The following DTNBP1 variants were observed in gnomAD, a reference collection of about 807,000 sequenced individuals.
The protein encoded by DTNBP1 is dystrobrevin binding protein 1.
In DTNBP1, 35 loss-of-function variants were observed where a neutral mutation model predicts 42.8. The ratio of observed to expected loss-of-function variants is 0.82; its 90% CI spans 0.63 to 1.09. DTNBP1 has a LOEUF of 1.09. Ranked by LOEUF, DTNBP1 falls within the 50% of genes least tolerant of loss-of-function variation. DTNBP1 has a pLI of 0.00. For missense variants in DTNBP1, 457 were observed against 424.2 expected, an observed-to-expected ratio of 1.08 and a Z score of -0.68; for synonymous variants, 171 against 162.2, an observed-to-expected ratio of 1.05 and a Z score of -0.41.
chr6:15,612,470 T>C (rs1279194711), intron 6 of DTNBP1, among the ~76,000 whole-genome samples: 2 of 152,224 alleles, frequency 1.3e-5, no homozygotes, highest in Non-Finnish European at 2.9e-5. Flanking sequence ...TTTCAACATA[T>C]CTTGATAGAA....
At chr6:15,625,234 T>C (rs891543703) in intron 5 of DTNBP1, among the ~76,000 whole-genome samples, 4 of 152,214 alleles carry the variant, frequency 2.6e-5, no homozygotes, top group Admixed American at 6.5e-5. Flanking sequence ...ATAATTCAGA[T>C]TGGCAATATA....
intron 8 of DTNBP1, among the ~76,000 whole-genome samples, chr6:15,530,713 G>A (rs1772761906): frequency 6.6e-6 from 1 of 152,096 alleles, no homozygotes; most frequent in African/African-American, 2.4e-5. Context: ...CTTCCTGAGA[G>A]GCACTTTCAT....
At chr6:15,524,376 G>A in intron 9 of DTNBP1, 150 bp downstream of exon 9, 1 of 1,613,930 alleles carries the variant, frequency 6.2e-7, no homozygotes, top group South Asian at 1.1e-5. Flanking sequence ...ACACAGCCGT[G>A]TGGAACCGTG....
At chr6:15,524,738 G>A in intron 8 of DTNBP1, 69 bp from the exon 9 acceptor site, 2 of 1,584,246 alleles carry the variant, frequency 1.3e-6, no homozygotes, top group South Asian at 1.1e-5. Context: ...AACTTCCATT[G>A]GCATTAGGCT....
chr6:15,663,025 C>T lies in DTNBP1; in HGVS notation c.-156G>A, dbSNP rs1761748572. ...TCTGGTCCTCGCCGCCGCGCCGCAA[C>T]CCCAGCCCCTTCCGCGTTCCCGCCC... On this transcript the variant is annotated 5_prime_UTR_variant, in exon 1 of 10. Transcript: ENST00000344537. 2.0e-6 allele frequency: 2 copies of T among 1,008,906 alleles called. No homozygotes were observed. The highest frequency in any genetic ancestry group is 3.4e-5 in the Admixed American group (1 of 29,356). The allele number at this position is 1,008,906 out of a possible 1,614,324, so 62.5% of individuals were successfully genotyped here.
intron 1 of DTNBP1, among the ~76,000 whole-genome samples, chr6:15,654,085 T>C (rs1761158637): frequency 6.6e-6 from 1 of 152,242 alleles, no homozygotes; most frequent in Non-Finnish European, 1.5e-5. Flanking sequence ...TATTACTCTA[T>C]GATCTTTTTC....
At chr6:15,531,886 C>A (rs1772855899) in intron 8 of DTNBP1, among the ~76,000 whole-genome samples, 1 of 152,256 alleles carries the variant, frequency 6.6e-6, no homozygotes, top group Non-Finnish European at 1.5e-5. Context: ...CCCACTTCGG[C>A]CTCCCAAAGT....
At chr6:15,641,658 G>A (rs6914558) in intron 3 of DTNBP1, among the ~76,000 whole-genome samples, 8,770 of 152,112 alleles carry the variant, frequency 0.058, 390 homozygotes, top group African/African-American at 0.12. Flanking sequence ...CATACTTGTC[G>A]TGCGCCAGCA....
At chr6:15,646,571 A>G (rs1760692036) in intron 3 of DTNBP1, among the ~76,000 whole-genome samples, 1 of 152,152 alleles carries the variant, frequency 6.6e-6, no homozygotes. Context: ...AGCAATCCAA[A>G]GCAAAAAGAA....
intron 1 of DTNBP1, among the ~76,000 whole-genome samples, chr6:15,653,947 T>C (rs1761150659): frequency 6.6e-6 from 1 of 152,262 alleles, no homozygotes; most frequent in Non-Finnish European, 1.5e-5. Flanking sequence ...CAACTATGCA[T>C]GCTGGTTCTG....
chr6:15,569,363 G>A (rs202023812), intron 7 of DTNBP1, among the ~76,000 whole-genome samples: 12 of 57,784 alleles, frequency 2.1e-4, no homozygotes, highest in South Asian at 5.1e-4. Context: ...ACCCCCCCCC[G>A]CCCGCCCCGA....
In DTNBP1 at chr6:15,523,101, GAT is replaced by G. The variant is rs780444803; in HGVS notation, c.928_929del (p.Ile310GlnfsTer2). ...STCTDSATRD[I>X]SEGGESPVVQ... ...CAACGGGGGACTCCCCACCCTCACT[GAT>G]GTCCCGGGTGGCCGAGTCGGTGCAG... is the stretch of plus-strand genomic sequence containing the variant. On this transcript the variant is annotated frameshift_variant, in exon 10 of 10. Transcript: ENST00000344537. LOFTEE classifies it low-confidence loss of function (END_TRUNC). 9 of 1,614,246 alleles carry G rather than the reference GAT, an allele frequency of 5.6e-6. No homozygotes were observed. The South Asian group carries it at 9.9e-5, about 18-fold the overall frequency.
At chr6:15,577,262 C>G (rs761173175) in intron 7 of DTNBP1, among the ~76,000 whole-genome samples, 6 of 152,202 alleles carry the variant, frequency 3.9e-5, no homozygotes, top group Non-Finnish European at 8.8e-5. Flanking sequence ...CAGGGCCTCG[C>G]AAGCCAGGAC....
chr6:15,655,605 AAAAACAAAGTAGCTAT>A (rs1394515342), intron 1 of DTNBP1, among the ~76,000 whole-genome samples: 3 of 151,548 alleles, frequency 2.0e-5, no homozygotes, highest in African/African-American at 7.3e-5. Flanking sequence ...AAACAAAGTA[AAAAACAAAGTAGCTAT>A]AGGAAAGTAA....
intron 9 of DTNBP1, chr6:15,524,210 G>C: frequency 6.6e-7 from 1 of 1,516,392 alleles, no homozygotes; most frequent in Middle Eastern, 2.4e-4. Context: ...GCAAACGCCA[G>C]TCCTTAACCA....
intron 7 of DTNBP1, among the ~76,000 whole-genome samples, chr6:15,565,691 G>A (rs1168182294): frequency 6.6e-6 from 1 of 152,212 alleles, no homozygotes; most frequent in Non-Finnish European, 1.5e-5. Context: ...TGGGAGCTGG[G>A]ATTGACTGAA....
At chr6:15,645,146 G>A (rs1419875725) in intron 3 of DTNBP1, among the ~76,000 whole-genome samples, 2 of 151,876 alleles carry the variant, frequency 1.3e-5, no homozygotes, top group African/African-American at 2.4e-5. Flanking sequence ...AGACTACTAA[G>A]AACATCTCTA....
At chr6:15,563,634 T>G (rs1774938272) in intron 7 of DTNBP1, among the ~76,000 whole-genome samples, 1 of 152,202 alleles carries the variant, frequency 6.6e-6, no homozygotes, top group Non-Finnish European at 1.5e-5. Flanking sequence ...CCAACCAGCT[T>G]GAAGATCCCC....
In DTNBP1 at chr6:15,615,270, T is replaced by A; in HGVS notation, c.485A>T (p.Lys162Met). The A allele has an allele frequency of 6.2e-7, 1 of 1,614,206 alleles. No individual in the cohort carries two copies. Among genetic ancestry groups the A allele is most frequent in the Non-Finnish European group, 8.5e-7 (1 of 1,180,016 alleles). Reference protein sequence around the residue: ...SQQLENYKKNKRKELETFKAE... With the variant: ...SQQLENYKKNMRKELETFKAE... Reference sequence around the variant, plus strand: ...GTGGCAAACTTTTCAAACTCACCTCTTATTTTTCTTGTAATTCTCCAGTTG... The same window carrying A: ...GTGGCAAACTTTTCAAACTCACCTCATATTTTTCTTGTAATTCTCCAGTTG... Residue 162 changes from lysine to methionine, a missense_variant, in exon 6 of 10, where the codon AAG becomes ATG. Transcript: ENST00000344537.
Sources: gnomAD v4.1 joint callset for allele counts (sites outside exome capture counted in the v4.1 genomes callset) on GRCh38, gnomAD v4.1.1 for gene constraint, MANE v1.5 for transcripts, NCBI Gene and HGNC (gene_info 2026-07-23, HGNC 2026-07-21) for gene names.